Variants in CHODL observed in about 807,000 individuals in gnomAD.
CHODL encodes the protein transmembrane protein MT75.
CHODL carries 29 observed loss-of-function variants against 34.5 expected under a neutral mutation model. The ratio of observed to expected loss-of-function variants is 0.84; its 90% CI spans 0.63 to 1.15. CHODL has a LOEUF of 1.15. Among genes scored for constraint, CHODL ranks in the 50% most tolerant of loss-of-function variants. The pLI is 0.00. For synonymous variants in CHODL, 125 were observed against 116.1 expected, an observed-to-expected ratio of 1.08 and a Z score of -0.49; for missense variants, 332 against 332.5, an observed-to-expected ratio of 1.00 and a Z score of 0.01.
chr21:17,919,866 A>C (rs1402973399), intron 1 of CHODL, among the ~76,000 whole-genome samples: 1 of 152,206 alleles, frequency 6.6e-6, no homozygotes, highest in Non-Finnish European at 1.5e-5. Context: ...TTCTTTTGCC[A>C]GATACCCTAA....
At chr21:18,063,692 A>C (rs1021575493) in intron 2 of CHODL, among the ~76,000 whole-genome samples, 1 of 152,240 alleles carries the variant, frequency 6.6e-6, no homozygotes, top group African/African-American at 2.4e-5. Context: ...CAATTTGTAA[A>C]CATTCAAAGA....
At chr21:18,196,928 G>A (rs1257979834) in intron 2 of CHODL, among the ~76,000 whole-genome samples, 1 of 152,086 alleles carries the variant, frequency 6.6e-6, no homozygotes, top group Non-Finnish European at 1.5e-5. Context: ...TAATAATAAT[G>A]TATACTTGAC....
intron 1 of CHODL, among the ~76,000 whole-genome samples, chr21:18,255,731 A>G (rs1304681231): frequency 1.3e-5 from 2 of 152,058 alleles, no homozygotes; most frequent in African/African-American, 4.8e-5. Context: ...TTAATTCTTT[A>G]AGTTCATAGT....
intron 2 of CHODL, among the ~76,000 whole-genome samples, chr21:18,067,139 CACA>C (rs767468962): frequency 2.8e-4 from 42 of 152,154 alleles, no homozygotes; most frequent in Admixed American, 7.9e-4. Context: ...AGCACATTTT[CACA>C]ACACTTTTAA....
chr21:18,138,094 C>T (rs1355347395), intron 2 of CHODL, among the ~76,000 whole-genome samples: 2 of 151,900 alleles, frequency 1.3e-5, no homozygotes, highest in East Asian at 1.9e-4. Context: ...CATTTTGTTA[C>T]ACAACTTCAT....
At chr21:18,249,491 A>T (rs2074209442) in intron 1 of CHODL, among the ~76,000 whole-genome samples, 1 of 152,098 alleles carries the variant, frequency 6.6e-6, no homozygotes, top group African/African-American at 2.4e-5. Context: ...TGTAACAGAA[A>T]ATCTAATTCT....
At chr21:18,249,013 ATATT>A (rs1450082720) in intron 1 of CHODL, among the ~76,000 whole-genome samples, 2 of 112,468 alleles carry the variant, frequency 1.8e-5, no homozygotes, top group Non-Finnish European at 3.4e-5. Context: ...TATATAATAT[ATATT>A]ATACATAATA....
intron 2 of CHODL, among the ~76,000 whole-genome samples, chr21:18,108,239 T>C (rs537352930): frequency 1.3e-5 from 2 of 152,156 alleles, no homozygotes; most frequent in Non-Finnish European, 2.9e-5. Context: ...CGGTTGCATA[T>C]TTAGGATATG....
chr21:17,951,546 A>G (rs1426163583), intron 1 of CHODL, among the ~76,000 whole-genome samples: 1 of 140,938 alleles, frequency 7.1e-6, no homozygotes, highest in Non-Finnish European at 1.6e-5. Context: ...ACACACACAC[A>G]ATCCACATGT....
intron 2 of CHODL, among the ~76,000 whole-genome samples, chr21:18,084,071 T>C (rs1197493988): frequency 6.6e-6 from 1 of 152,218 alleles, no homozygotes; most frequent in Non-Finnish European, 1.5e-5. Context: ...TGCTAGGTGA[T>C]TAAATCATGG....
At chr21:18,248,053 T>A (rs1462761678) in intron 1 of CHODL, among the ~76,000 whole-genome samples, 1 of 151,728 alleles carries the variant, frequency 6.6e-6, no homozygotes, top group Non-Finnish European at 1.5e-5. Context: ...ATAGCAGTGA[T>A]CCCCAACCTA....
At chr21:18,018,249 A>G (rs2064093978) in intron 1 of CHODL, among the ~76,000 whole-genome samples, 1 of 152,200 alleles carries the variant, frequency 6.6e-6, no homozygotes, top group South Asian at 2.1e-4. Flanking sequence ...GGAAGGTATG[A>G]TTATATTTTG....
chr21:18,165,008 A>G (rs897922624), intron 2 of CHODL, among the ~76,000 whole-genome samples: 3 of 152,164 alleles, frequency 2.0e-5, no homozygotes, highest in African/African-American at 7.2e-5. Context: ...ACATTGGTAC[A>G]GTGTTTTCCA....
At chr21:18,052,914 A>G (rs1363760380) in intron 2 of CHODL, among the ~76,000 whole-genome samples, 2 of 151,940 alleles carry the variant, frequency 1.3e-5, no homozygotes, top group Non-Finnish European at 1.5e-5. Flanking sequence ...CCACAAATAT[A>G]TTTATTTTTC....
intron 2 of CHODL, among the ~76,000 whole-genome samples, chr21:18,148,847 A>AC (rs1166355902): frequency 1.3e-5 from 2 of 151,104 alleles, no homozygotes; most frequent in Non-Finnish European, 2.9e-5. Flanking sequence ...TTTCAAATAT[A>AC]CCCCACATTT....
At chr21:18,172,694 TCTTCA>T (rs1279113440) in intron 2 of CHODL, among the ~76,000 whole-genome samples, 1 of 152,292 alleles carries the variant, frequency 6.6e-6, no homozygotes, top group East Asian at 1.9e-4. Flanking sequence ...GAAGAGTGGA[TCTTCA>T]GAAGTCCTTG....
intron 1 of CHODL, among the ~76,000 whole-genome samples, chr21:17,959,740 T>C (rs1473591724): frequency 6.6e-6 from 1 of 152,152 alleles, no homozygotes; most frequent in African/African-American, 2.4e-5. Flanking sequence ...TTAGAGAAAG[T>C]AGGTCTTATC....
chr21:17,968,964 G>A (rs956570694), intron 1 of CHODL, among the ~76,000 whole-genome samples: 1 of 152,140 alleles, frequency 6.6e-6, no homozygotes, highest in Non-Finnish European at 1.5e-5. Flanking sequence ...TGGTTTTCTT[G>A]TAACTTTTAA....
chr21:18,022,831 C>T (rs1394293013), intron 1 of CHODL, among the ~76,000 whole-genome samples: 1 of 152,194 alleles, frequency 6.6e-6, no homozygotes, highest in Non-Finnish European at 1.5e-5. Flanking sequence ...TGAGCATTAT[C>T]TTGTTTAGTC....
Sources: allele counts gnomAD v4.1 joint callset (sites outside exome capture counted in the v4.1 genomes callset), GRCh38; gene constraint gnomAD v4.1.1; transcripts MANE v1.5; gene names NCBI Gene and HGNC (gene_info 2026-07-23, HGNC 2026-07-21).